Variants in ELP4 observed in about 807,000 individuals in gnomAD.
ELP4 encodes the protein elongator acetyltransferase complex subunit 4, also known as elongator complex protein 4.
Under a neutral mutation model 48.9 loss-of-function variants are expected in ELP4, and 51 were observed. The ratio of observed to expected loss-of-function variants is 1.04; its 90% CI spans 0.83 to 1.32. ELP4 has a LOEUF of 1.32. ELP4 is among the 40% of genes most tolerant of loss of function. The pLI is 0.00. For synonymous variants in ELP4, 210 were observed against 189.2 expected (o/e 1.11, Z -0.90); for missense variants, 519 against 514.6 (o/e 1.01, Z -0.08).
At position 31,591,433 on chromosome 11, in the gene ELP4, G is replaced by T. The variant is rs1005045921; in HGVS notation, c.382-3337G>T. ...AAAAAAAAAAAAAAAGGGGGGGGGGGGGTATAAAACCATGATAGACATATT... is the reference window on the plus strand; with the variant it reads ...AAAAAAAAAAAAAAAGGGGGGGGGGTGGTATAAAACCATGATAGACATATT... On this transcript the variant is annotated intron_variant, in intron 3 of 9. Coordinates refer to ENST00000640961, the MANE Select transcript of ELP4 (RefSeq NM_019040.5). 2.6e-4 allele frequency among the ~76,000 whole-genome samples: 24 copies of T among 91,988 alleles called. 1 individual carries two copies. The South Asian group carries it at 3.7e-3, about 14-fold the overall frequency. 60.3% of individuals were successfully genotyped at this position (91,988 alleles called of 152,430 possible). A position where few individuals can be genotyped will look rare whatever the true frequency, so the allele number is the denominator to read the frequency against.
intron 5 of ELP4, among the ~76,000 whole-genome samples, chr11:31,620,789 C>A (rs1269113091): frequency 6.6e-6 from 1 of 151,924 alleles, no homozygotes; most frequent in Non-Finnish European, 1.5e-5. Flanking sequence ...ATTGCTTAGA[C>A]CATACATGTA....
chr11:31,672,848 T>C (rs1330805021), intron 9 of ELP4, among the ~76,000 whole-genome samples: 5 of 152,118 alleles, frequency 3.3e-5, no homozygotes, highest in African/African-American at 1.2e-4. Flanking sequence ...CATAATTCAG[T>C]AAAACAGTTA....
intron 9 of ELP4, among the ~76,000 whole-genome samples, chr11:31,768,880 A>G (rs567008003): frequency 1.3e-5 from 2 of 152,226 alleles, no homozygotes; most frequent in East Asian, 3.9e-4. Flanking sequence ...GTAGGGAGGG[A>G]CGAAAGAGGA....
intron 4 of ELP4, among the ~76,000 whole-genome samples, chr11:31,595,852 T>C (rs1010736209): frequency 6.6e-6 from 1 of 152,098 alleles, no homozygotes; most frequent in African/African-American, 2.4e-5. Flanking sequence ...TAAGATTGTA[T>C]GTATACAAAA....
chr11:31,789,467 A>C lies in ELP4; in HGVS notation c.*5943A>C, dbSNP rs1156605061. 2.0e-6 allele frequency: 1 copy of C among 489,696 alleles called. No individual in the cohort carries two copies. Among genetic ancestry groups the C allele is most frequent in the Non-Finnish European group, 3.6e-6 (1 of 280,352 alleles). 30.3% of individuals were successfully genotyped at this position (489,696 alleles called of 1,614,324 possible). On this transcript the variant is annotated 3_prime_UTR_variant, in exon 10 of 10. Coordinates refer to ENST00000640961, the MANE Select transcript of ELP4 (RefSeq NM_019040.5). Reference sequence around the variant, plus strand: ...TTAATTATATGCAAAGGAATGATACAAACTTGGAACATCAGTCCATAAACT... The same window carrying C: ...TTAATTATATGCAAAGGAATGATACCAACTTGGAACATCAGTCCATAAACT...
intron 9 of ELP4, among the ~76,000 whole-genome samples, chr11:31,736,018 G>T (rs1947308305): frequency 6.6e-6 from 1 of 152,134 alleles, no homozygotes; most frequent in South Asian, 2.1e-4. Context: ...GCATTGCCAA[G>T]TCAATCCTAA....
At chr11:31,699,728 T>C (rs1267681173) in intron 9 of ELP4, among the ~76,000 whole-genome samples, 2 of 152,108 alleles carry the variant, frequency 1.3e-5, no homozygotes, top group Non-Finnish European at 2.9e-5. Context: ...TTCTGAACAA[T>C]ATGACCAGAT....
At chr11:31,553,091 C>T (rs149684716) in intron 3 of ELP4, among the ~76,000 whole-genome samples, 93 of 152,286 alleles carry the variant, frequency 6.1e-4, no homozygotes, top group African/African-American at 2.2e-3. Context: ...TGTTAGCTGC[C>T]TTATTTTTCT....
intron 9 of ELP4, among the ~76,000 whole-genome samples, chr11:31,661,387 T>G (rs1182161827): frequency 2.0e-5 from 3 of 152,086 alleles, no homozygotes; most frequent in African/African-American, 7.2e-5. Flanking sequence ...TCTCTGCTTT[T>G]TATTTAGTTC....
At chr11:31,709,228 TG>T (rs1368172480) in intron 9 of ELP4, among the ~76,000 whole-genome samples, 9 of 152,260 alleles carry the variant, frequency 5.9e-5, no homozygotes, top group African/African-American at 2.2e-4. Context: ...GCATACGACC[TG>T]GTGTCAGTTA....
At chr11:31,739,164 A>G (rs948492344) in intron 9 of ELP4, among the ~76,000 whole-genome samples, 5 of 152,098 alleles carry the variant, frequency 3.3e-5, no homozygotes, top group African/African-American at 1.2e-4. Context: ...TGTTAGGATG[A>G]GACAGATTTG....
At chr11:31,578,757 TC>T (rs1957332957) in intron 3 of ELP4, among the ~76,000 whole-genome samples, 1 of 152,176 alleles carries the variant, frequency 6.6e-6, no homozygotes. Flanking sequence ...TGAAACTGGA[TC>T]CCTTCCTTAC....
Position 31,790,103 on chromosome 11 carries a change from A to C in ELP4, c.*6579A>C, listed in dbSNP as rs1174985947. 1 of 726,388 alleles carries C rather than the reference A, an allele frequency of 1.4e-6. No individual in the cohort carries two copies. Among genetic ancestry groups the C allele is most frequent in the East Asian group, 2.8e-5 (1 of 35,192 alleles). The allele number at this position is 726,388 out of a possible 1,614,324, so 45.0% of individuals were successfully genotyped here. On this transcript the variant is annotated 3_prime_UTR_variant, in exon 10 of 10. Transcript: ENST00000640961. ...ATACAAATTTATAGGTTTACAAAAA[A>C]AAAAAAAAAAAAAAAAACTAATACT... is the stretch of plus-strand genomic sequence containing the variant.
At chr11:31,771,374 A>G (rs1368563346) in intron 9 of ELP4, among the ~76,000 whole-genome samples, 1 of 152,210 alleles carries the variant, frequency 6.6e-6, no homozygotes, top group Non-Finnish European at 1.5e-5. Context: ...TCCATGCATG[A>G]CTTTGTAAGG....
At chr11:31,773,999 C>A (rs1948197948) in intron 9 of ELP4, among the ~76,000 whole-genome samples, 1 of 152,006 alleles carries the variant, frequency 6.6e-6, no homozygotes, top group Non-Finnish European at 1.5e-5. Context: ...GGCAACATGG[C>A]GAAACCCTAT....
rs1592175342 is a variant in ELP4 at position 31,632,243 on chromosome 11, A to G, written c.765A>G (p.Ile255Met). 1 of 1,601,736 alleles carries G rather than the reference A, an allele frequency of 6.2e-7. No individual in the cohort carries two copies. The highest frequency in any genetic ancestry group is 1.1e-5 in the South Asian group (1 of 88,046). The change falls in exon 7 of 10, where the codon ATA becomes ATG. Residue 255 changes from isoleucine to methionine, a missense_variant. By Grantham distance (10) the Ile-to-Met change is conservative. Transcript: ENST00000640961. Reference sequence around the variant, plus strand: ...AAAAACAGAGAAACATTTTAAGAATAGGAATTCAGAATCTTGGCTCACCTT... The same window carrying G: ...AAAAACAGAGAAACATTTTAAGAATGGGAATTCAGAATCTTGGCTCACCTT... ...PQKKQRNILR[I>M]GIQNLGSPLW... is the part of the protein sequence containing the mutation.
Position 31,743,418 on chromosome 11 carries a change from G to C in ELP4, c.1144-39975G>C, listed in dbSNP as rs899618839. Among the ~76,000 whole-genome samples the C allele has an allele frequency of 9.2e-5, 14 of 152,074 alleles. No homozygotes were observed. The South Asian group carries it at 1.7e-3, about 18-fold the overall frequency. On this transcript the variant is annotated intron_variant, in intron 9 of 9. Coordinates refer to ENST00000640961, the MANE Select transcript of ELP4 (RefSeq NM_019040.5). Reference sequence around the variant, plus strand: ...GGACCTAATAGACATCTACAGAACTGTCCACCCCAAATCAACAGAATATAC... The same window carrying C: ...GGACCTAATAGACATCTACAGAACTCTCCACCCCAAATCAACAGAATATAC...
intron 4 of ELP4, among the ~76,000 whole-genome samples, chr11:31,597,020 A>T (rs11031423): frequency 2.0e-5 from 3 of 152,136 alleles, no homozygotes; most frequent in Non-Finnish European, 4.4e-5. Context: ...GGATGGGGGA[A>T]GCTGATACTC....
At chr11:31,764,450 G>A (rs1201580423) in intron 9 of ELP4, among the ~76,000 whole-genome samples, 3 of 152,130 alleles carry the variant, frequency 2.0e-5, no homozygotes, top group Non-Finnish European at 2.9e-5. Context: ...AGCTTAAATC[G>A]TAGCCAGTGC....
Sources: gnomAD v4.1 joint callset for allele counts (sites outside exome capture counted in the v4.1 genomes callset) on GRCh38, gnomAD v4.1.1 for gene constraint, MANE v1.5 for transcripts, NCBI Gene and HGNC (gene_info 2026-07-23, HGNC 2026-07-21) for gene names.